The following MICALL2 variants were observed in gnomAD, a reference collection of about 807,000 sequenced individuals.
The protein encoded by MICALL2 is MICAL-like protein 2.
MICALL2 carries 111 observed loss-of-function variants against 91.1 expected under a neutral mutation model. The observed-to-expected ratio is 1.22, with a 90% CI of 1.04 to 1.43. The LOEUF (loss-of-function observed/expected upper bound fraction) is 1.43. Among genes scored for constraint, MICALL2 ranks in the 40% most tolerant of loss-of-function variants. The pLI is 0.00. For missense variants in MICALL2, 1,556 were observed against 1,236.0 expected (o/e 1.26, Z -3.88); for synonymous variants, 694 against 525.3 (o/e 1.32, Z -4.39).
At chr7:1,444,303 G>A (rs963663057) in intron 6 of MICALL2, among the ~76,000 whole-genome samples, 4 of 151,666 alleles carry the variant, frequency 2.6e-5, no homozygotes, top group East Asian at 1.9e-4. Context: ...CGTGGGTCCC[G>A]CTCGCGACCT....
chr7:1,439,182 C>A, intron 9 of MICALL2, 187 bp from the exon 10 acceptor site: 1 of 564,728 alleles, frequency 1.8e-6, no homozygotes, highest in East Asian at 3.0e-5. Flanking sequence ...CCATGTCTCC[C>A]CAGGGGGCTA....
rs866825651 is a variant in MICALL2, at chr7:1,459,283, C to T, written c.44G>A (p.Cys15Tyr). The change falls in exon 1 of 17, where the codon TGC becomes TAC. Residue 15 changes from cysteine (C) to tyrosine (Y), a missense_variant. By Grantham distance (194) the Cys-to-Tyr change is radical. Coordinates refer to ENST00000297508, the MANE Select transcript of MICALL2 (RefSeq NM_182924.4). ...GATATTCACGTCGCGGTAGCCCTCG[C>T]ACTGCTGCCGGCACCACTGTTGCAG... Reference protein sequence around the residue: ...RALQQWCRQQCEGYRDVNICN... With the variant: ...RALQQWCRQQYEGYRDVNICN... The T allele has an allele frequency of 1.2e-6, 2 of 1,604,632 alleles. No individual in the cohort carries two copies. Among genetic ancestry groups the T allele is most frequent in the East Asian group, 4.5e-5 (2 of 44,244 alleles).
At chr7:1,454,143 T>G (rs1163114540) in intron 1 of MICALL2, among the ~76,000 whole-genome samples, 1 of 140,916 alleles carries the variant, frequency 7.1e-6, no homozygotes, top group Admixed American at 7.0e-5. Context: ...GTTTACTTCC[T>G]GGAACAAGAT....
At chr7:1,439,037 GC>G in intron 9 of MICALL2, 42 bp from the exon 10 acceptor site, 1 of 1,471,168 alleles carries the variant, frequency 6.8e-7, no homozygotes, top group Non-Finnish European at 9.3e-7. Context: ...TCAGAGCAGG[GC>G]CACTGGGAGC....
chr7:1,436,551 C>CAAAAAAATAAA (rs1779973881), intron 15 of MICALL2, among the ~76,000 whole-genome samples, 191 bp downstream of exon 15: 1 of 74,486 alleles, frequency 1.3e-5, no homozygotes, highest in African/African-American at 4.9e-5. Context: ...GACTCTGTCT[C>CAAAAAAATAAA]AAAAAAAAAA....
At chr7:1,447,822 G>C (rs1220213024) in intron 3 of MICALL2, 57 bp from the exon 4 acceptor site, 5 of 1,351,674 alleles carry the variant, frequency 3.7e-6, no homozygotes, top group Non-Finnish European at 2.0e-6. Context: ...AAAGGGTCTA[G>C]TCCCTCCAGA....
intron 6 of MICALL2, among the ~76,000 whole-genome samples, 166 bp downstream of exon 6, chr7:1,444,486 G>GCTC (rs1780466197): frequency 6.6e-6 from 1 of 152,196 alleles, no homozygotes; most frequent in South Asian, 2.1e-4. Context: ...TGCCACCCTG[G>GCTC]CTCCTCCTCC....
intron 10 of MICALL2, 106 bp from the exon 11 acceptor site, chr7:1,438,459 A>T (rs1193921879): frequency 6.7e-7 from 1 of 1,501,540 alleles, no homozygotes; most frequent in Admixed American, 2.1e-5. Flanking sequence ...AGCTGGCCCC[A>T]GCCCTGCCTC....
chr7:1,454,502 C>T (rs1350355570), intron 1 of MICALL2, among the ~76,000 whole-genome samples: 1 of 152,158 alleles, frequency 6.6e-6, no homozygotes, highest in Non-Finnish European at 1.5e-5. Context: ...GGCCGCAGAG[C>T]CCCCACCTTG....
intron 1 of MICALL2, among the ~76,000 whole-genome samples, chr7:1,453,369 G>A (rs554697976): frequency 2.0e-5 from 3 of 152,238 alleles, no homozygotes; most frequent in African/African-American, 7.2e-5. Context: ...GGATGTGAAG[G>A]CACAGGGCGA....
At chr7:1,434,856 G>T (rs1421471752) in intron 16 of MICALL2, 184 bp from the exon 17 acceptor site, 1 of 736,282 alleles carries the variant, frequency 1.4e-6, no homozygotes, top group East Asian at 2.7e-5. Flanking sequence ...GTGCCCCGGA[G>T]GGCTGGTCCC....
At chr7:1,438,648 G>A (rs999640010) in intron 10 of MICALL2, 192 bp downstream of exon 10, 25 of 1,423,026 alleles carry the variant, frequency 1.8e-5, no homozygotes, top group African/African-American at 7.2e-5. Flanking sequence ...TCTGTAACAA[G>A]GTACTCTGAA....
chr7:1,440,830 G>A, intron 7 of MICALL2, 146 bp from the exon 8 acceptor site: 1 of 663,512 alleles, frequency 1.5e-6, no homozygotes, highest in Non-Finnish European at 2.7e-6. Context: ...GGGGCATCAG[G>A]AGCACCGGGC....
At chr7:1,449,011 A>G (rs966311957) in intron 2 of MICALL2, among the ~76,000 whole-genome samples, 5 of 152,162 alleles carry the variant, frequency 3.3e-5, no homozygotes, top group African/African-American at 9.7e-5. Context: ...TCCAGGTGAA[A>G]CCTCAGGGGA....
chr7:1,448,603 G>A lies in MICALL2; in HGVS notation c.334+17C>T. ...GGCCTGGTCCTGCCTGGCTCGGCGG[G>A]CGCGGCAGGGACTCACTGGGGGAGC... On this transcript the variant is annotated intron_variant, in intron 3 of 16. Coordinates refer to ENST00000297508, the MANE Select transcript of MICALL2 (RefSeq NM_182924.4). The A allele has an allele frequency of 6.2e-7, 1 of 1,612,192 alleles. No homozygotes were observed. The highest frequency in any genetic ancestry group is 1.1e-5 in the South Asian group (1 of 91,064).
intron 3 of MICALL2, 106 bp from the exon 4 acceptor site, chr7:1,447,871 G>GA: frequency 2.2e-6 from 2 of 892,678 alleles, no homozygotes; most frequent in South Asian, 4.6e-5. Context: ...GCCCGGGGGG[G>GA]ACCTGGGGGC....
intron 14 of MICALL2, 118 bp from the exon 15 acceptor site, chr7:1,436,974 T>G: frequency 1.4e-6 from 1 of 690,620 alleles, no homozygotes; most frequent in South Asian, 2.2e-5. Flanking sequence ...GGTGGGGTCT[T>G]GGGGGGATCC....
Position 1,459,392 on chromosome 7 carries a change from C to T in MICALL2, c.-66G>A, listed in dbSNP as rs1781132914. 2.2e-6 allele frequency: 3 copies of T among 1,354,604 alleles called. No homozygotes were observed. Among genetic ancestry groups the T allele is most frequent in the African/African-American group, 1.6e-5 (1 of 64,370 alleles). The allele number at this position is 1,354,604 out of a possible 1,614,324, so 83.9% of individuals were successfully genotyped here. ...CACCTTCCCGCGGCTGTGCCGCGACCGCCCGGCCGGCGGGACAGACGCTGG... is the reference window on the plus strand; with the variant it reads ...CACCTTCCCGCGGCTGTGCCGCGACTGCCCGGCCGGCGGGACAGACGCTGG... On this transcript the variant is annotated 5_prime_UTR_variant, in exon 1 of 17. Coordinates refer to ENST00000297508, the MANE Select transcript of MICALL2 (RefSeq NM_182924.4).
At chr7:1,434,896 CT>C in intron 16 of MICALL2, 1 of 720,986 alleles carries the variant, frequency 1.4e-6, no homozygotes, top group Non-Finnish European at 2.3e-6. Flanking sequence ...CCAGCTGCCC[CT>C]GGCTCTCTTA....
Sources: allele counts gnomAD v4.1 joint callset (sites outside exome capture counted in the v4.1 genomes callset), GRCh38; gene constraint gnomAD v4.1.1; transcripts MANE v1.5; gene names NCBI Gene and HGNC (gene_info 2026-07-23, HGNC 2026-07-21).